CCDC110: variants seen among roughly 807,000 people sequenced by gnomAD.
The protein encoded by CCDC110 is coiled-coil domain-containing protein 110.
CCDC110 carries 70 observed loss-of-function variants against 77.1 expected under a neutral mutation model. That is an observed-to-expected ratio of 0.91 (90% confidence interval 0.75 to 1.11). The LOEUF is 1.11. Among genes scored for constraint, CCDC110 ranks in the 50% least tolerant of loss-of-function variants. The pLI is 0.00. For missense variants in CCDC110, 868 were observed against 942.9 expected (o/e 0.92, Z 1.04); for synonymous variants, 295 against 312.5 (o/e 0.94, Z 0.59).
Position 185,459,834 on chromosome 4 carries a change from C to G in CCDC110, c.753G>C (p.Glu251Asp), listed in dbSNP as rs535673017. Reference sequence around the variant, plus strand: ...CTTCCCCATCATGTGACTTTTGAAGCTCTTCTTTCATTTGTTTGATAGAAT... The same window carrying G: ...CTTCCCCATCATGTGACTTTTGAAGGTCTTCTTTCATTTGTTTGATAGAAT... ...ICHSIKQMKE[E>D]LQKSHDGEVA... Residue 251 changes from glutamate (E) to aspartate (D), a missense_variant, in exon 6 of 7, where the codon GAG (glutamate) becomes GAC (aspartate). Transcript: ENST00000307588. 1 of 1,613,300 alleles carries G rather than the reference C, an allele frequency of 6.2e-7. No homozygotes were observed. The highest frequency in any genetic ancestry group is 8.5e-7 in the Non-Finnish European group (1 of 1,179,814).
chr4:185,448,812 G>A (rs2153316670), intron 6 of CCDC110, among the ~76,000 whole-genome samples: 1 of 152,300 alleles, frequency 6.6e-6, no homozygotes, highest in Non-Finnish European at 1.5e-5. Flanking sequence ...GGTTTTCTAT[G>A]TGTCCTCTTC....
rs897081274 is a variant in CCDC110 at position 185,468,220 on chromosome 4, G to A, written c.115+2725C>T. ...TATGCAACAGGTTGCCTGCCGCCCA[G>A]ATTTGAATTCTAGCTTTGCCACACA... On this transcript the variant is annotated intron_variant, in intron 2 of 6. Coordinates refer to ENST00000307588, the MANE Select transcript of CCDC110 (RefSeq NM_152775.4). The surrounding 1 kb of genome is among the most constrained non-coding windows in gnomAD (Gnocchi z 4.5). 2.6e-5 allele frequency among the ~76,000 whole-genome samples: 4 copies of A among 152,222 alleles called. No homozygotes were observed. The highest frequency in any genetic ancestry group is 5.9e-5 in the Non-Finnish European group (4 of 68,028).
chr4:185,465,774 G>C (rs2095654491), intron 2 of CCDC110, among the ~76,000 whole-genome samples: 1 of 152,166 alleles, frequency 6.6e-6, no homozygotes, highest in Non-Finnish European at 1.5e-5. Flanking sequence ...GAATGGTGGT[G>C]GGGGAGGTGG....
At chr4:185,451,192 C>T (rs62345600) in intron 6 of CCDC110, among the ~76,000 whole-genome samples, 92,894 of 152,038 alleles carry the variant, frequency 0.61, 28,742 homozygotes, top group East Asian at 0.75. Context: ...CCTCCACAGC[C>T]ACGTGGAACT....
Position 185,445,385 on chromosome 4 carries a change from A to G in CCDC110, c.*117T>C, listed in dbSNP as rs1233786670. On this transcript the variant is annotated 3_prime_UTR_variant, in exon 7 of 7. Transcript: ENST00000307588. ...ATTCTGTGCATAATTTTTAAAGCAAATATATAGCGCCTCATTATGAGTCAT... is the reference window on the plus strand; with the variant it reads ...ATTCTGTGCATAATTTTTAAAGCAAGTATATAGCGCCTCATTATGAGTCAT... 1.2e-6 allele frequency: 1 copy of G among 830,678 alleles called. No homozygotes were observed. Among genetic ancestry groups the G allele is most frequent in the African/African-American group, 1.7e-5 (1 of 58,376 alleles). 51.5% of individuals were successfully genotyped at this position (830,678 alleles called of 1,614,324 possible).
intron 2 of CCDC110, 94 bp downstream of exon 2, chr4:185,470,851 G>T: frequency 2.2e-6 from 2 of 908,974 alleles, no homozygotes; most frequent in Non-Finnish European, 3.7e-6. Flanking sequence ...TGTCATCACG[G>T]CCGTGGGAAG....
In CCDC110 at chr4:185,445,524, T is replaced by C. The variant is rs998401937; in HGVS notation, c.2480A>G (p.Asp827Gly). ...SDLKGYFKVK[D>G]RTLKHH ...ATCCTAATGATGCTTGAGAGTTCTG[T>C]CTTTAACTTTGAAATAACCTATGAA... The change falls in exon 7 of 7, where the codon GAC (aspartate) becomes GGC (glycine). Residue 827 changes from aspartate to glycine, a missense_variant. By Grantham distance (94) the Asp-to-Gly change is moderately conservative. Transcript: ENST00000307588. 6.3e-6 allele frequency: 10 copies of C among 1,577,812 alleles called. No individual in the cohort carries two copies. The highest frequency in any genetic ancestry group is 1.7e-4 in the Middle Eastern group (1 of 6,004).
At position 185,445,271 on chromosome 4, in the gene CCDC110, A is replaced by G. The variant is rs145527325; in HGVS notation, c.*231T>C. The G allele has an allele frequency of 4.1e-3, 3,187 of 777,054 alleles. 7 individuals carry two copies. Among genetic ancestry groups the G allele is most frequent in the Non-Finnish European group, 5.1e-3 (2,531 of 494,898 alleles). The allele number at this position is 777,054 out of a possible 1,614,324, so 48.1% of individuals were successfully genotyped here. On this transcript the variant is annotated 3_prime_UTR_variant, in exon 7 of 7. Coordinates refer to ENST00000307588, the MANE Select transcript of CCDC110 (RefSeq NM_152775.4). Reference sequence around the variant, plus strand: ...GACTTTAGACATCTCAGCTCCTTCCATGTACAGGTACCTGCCCTCCCTTGT... The same window carrying G: ...GACTTTAGACATCTCAGCTCCTTCCGTGTACAGGTACCTGCCCTCCCTTGT...
chr4:185,460,463 G>A (rs1175968328), intron 5 of CCDC110, among the ~76,000 whole-genome samples: 1 of 152,170 alleles, frequency 6.6e-6, no homozygotes, highest in Non-Finnish European at 1.5e-5. Context: ...TATTTCCTTT[G>A]GGGTGAGATA....
intron 6 of CCDC110, among the ~76,000 whole-genome samples, chr4:185,454,747 T>C (rs1050554607): frequency 6.6e-6 from 1 of 151,932 alleles, no homozygotes; most frequent in Admixed American, 6.6e-5. Flanking sequence ...TGACCTAAAA[T>C]GTCATCTTGT....
chr4:185,457,878 T>A (rs1025782815), intron 6 of CCDC110: 12 of 964,320 alleles, frequency 1.2e-5, no homozygotes, highest in South Asian at 3.9e-5. Flanking sequence ...AAATAATAAT[T>A]AACTCCCTCT....
At chr4:185,449,846 G>A (rs1171679594) in intron 6 of CCDC110, 2 of 423,384 alleles carry the variant, frequency 4.7e-6, no homozygotes, top group African/African-American at 2.1e-5. Flanking sequence ...GTTGATTTAT[G>A]TTTTTAGATC....
chr4:185,446,849 T>A (rs1421235126), intron 6 of CCDC110, among the ~76,000 whole-genome samples: 1 of 152,232 alleles, frequency 6.6e-6, no homozygotes, highest in Non-Finnish European at 1.5e-5. Flanking sequence ...CCATCTAGTT[T>A]CAAACATTTG....
intron 6 of CCDC110, among the ~76,000 whole-genome samples, chr4:185,454,657 T>A (rs755783628): frequency 1.3e-5 from 2 of 151,936 alleles, no homozygotes; most frequent in Non-Finnish European, 2.9e-5. Context: ...GAGGTTGCAG[T>A]GAGCTGAGAT....
chr4:185,452,758 G>A (rs1474807390), intron 6 of CCDC110, among the ~76,000 whole-genome samples: 1 of 152,036 alleles, frequency 6.6e-6, no homozygotes, highest in African/African-American at 2.4e-5. Flanking sequence ...AACCAGGCAT[G>A]GTGGTGGGCA....
intron 6 of CCDC110, among the ~76,000 whole-genome samples, chr4:185,452,888 CAAAAAAA>C (rs70962569): frequency 1.5e-5 from 1 of 67,282 alleles, no homozygotes; most frequent in Admixed American, 1.5e-4. Context: ...GAGTGAGACT[CAAAAAAA>C]AAAAAAAAAA....
intron 6 of CCDC110, among the ~76,000 whole-genome samples, chr4:185,450,087 C>A (rs1007409457): frequency 1.3e-5 from 2 of 152,116 alleles, no homozygotes; most frequent in African/African-American, 4.8e-5. Context: ...TTCTTAACAT[C>A]AAAGATAAAT....
intron 5 of CCDC110, 44 bp from the exon 6 acceptor site, chr4:185,460,282 A>G: frequency 3.5e-6 from 5 of 1,427,644 alleles, no homozygotes; most frequent in Non-Finnish European, 4.8e-6. Context: ...GTCATTTGCC[A>G]CATGATAAAG....
Position 185,458,194 on chromosome 4 carries a change from T to C in CCDC110, c.2393A>G (p.His798Arg). The C allele has an allele frequency of 6.2e-7, 1 of 1,605,192 alleles. No individual in the cohort carries two copies. Among genetic ancestry groups the C allele is most frequent in the South Asian group, 1.1e-5 (1 of 88,836 alleles). ...ATCTTCGTGAGTATAGTTGTCAAAA[T>C]GGAATTTCTCTCTTCTTGAAATGTA... Reference protein sequence around the residue: ...TTYISRREKFHFDNYTHEDTS... With the variant: ...TTYISRREKFRFDNYTHEDTS... Residue 798 changes from histidine to arginine, a missense_variant, in exon 6 of 7, where the codon CAT becomes CGT. Coordinates refer to ENST00000307588, the MANE Select transcript of CCDC110 (RefSeq NM_152775.4).
Sources: allele counts gnomAD v4.1 joint callset (sites outside exome capture counted in the v4.1 genomes callset), GRCh38; gene constraint gnomAD v4.1.1; non-coding constraint Gnocchi (gnomAD v3.1); transcripts MANE v1.5; gene names NCBI Gene and HGNC (gene_info 2026-07-23, HGNC 2026-07-21).